TOR1A: variants seen among roughly 807,000 people sequenced by gnomAD.
The protein encoded by TOR1A is torsin family 1 member A.
Under a neutral mutation model 31.4 loss-of-function variants are expected in TOR1A, and 18 were observed. The ratio of observed to expected loss-of-function variants is 0.57; its 90% confidence interval spans 0.40 to 0.85. TOR1A has a LOEUF of 0.85. Ranked by LOEUF, TOR1A falls within the 40% of genes least tolerant of loss-of-function variation. The probability of loss-of-function intolerance (pLI) is 0.00; values close to 1 mark genes in which losing one functional copy is unlikely to be tolerated. For missense variants in TOR1A, 375 were observed against 416.4 expected, an observed-to-expected ratio of 0.90 and a Z score of 0.87; for synonymous variants, 168 against 165.9, an observed-to-expected ratio of 1.01 and a Z score of -0.10.
At chr9:129,823,358 T>C in intron 1 of TOR1A, 1 of 285,296 alleles carries the variant, frequency 3.5e-6, no homozygotes, top group South Asian at 3.4e-5. Flanking sequence ...TCTGTGGTCA[T>C]GGCCGAGGAG....
intron 4 of TOR1A, among the ~76,000 whole-genome samples, chr9:129,817,011 G>A (rs558358971): frequency 9.2e-5 from 14 of 152,206 alleles, no homozygotes; most frequent in Admixed American, 2.6e-4. Context: ...CTTAGCCAGT[G>A]AGTCAGCCTC....
intron 4 of TOR1A, among the ~76,000 whole-genome samples, chr9:129,818,166 C>A (rs2031088303): frequency 6.6e-6 from 1 of 152,082 alleles, no homozygotes; most frequent in Non-Finnish European, 1.5e-5. Flanking sequence ...ATTAGCTGGG[C>A]ATGGTGTGCA....
chr9:129,816,513 G>C (rs113651759), intron 4 of TOR1A, among the ~76,000 whole-genome samples: 1 of 152,264 alleles, frequency 6.6e-6, no homozygotes, highest in African/African-American at 2.4e-5. Flanking sequence ...CTAGGATGTA[G>C]GATTGATAAG....
chr9:129,813,874 C>T lies in TOR1A; in HGVS notation c.*98G>A. 6.6e-7 allele frequency: 1 copy of T among 1,512,336 alleles called. No homozygotes were observed. The highest frequency in any genetic ancestry group is 9.1e-7 in the Non-Finnish European group (1 of 1,099,742). The allele number at this position is 1,512,336 out of a possible 1,614,324, so 93.7% of individuals were successfully genotyped here. ...TCAAACAGGAACATTCACTGGATTCCTCTTCCAGGGAAAGGAGCTGGGGGT... is the reference window on the plus strand; with the variant it reads ...TCAAACAGGAACATTCACTGGATTCTTCTTCCAGGGAAAGGAGCTGGGGGT... On this transcript the variant is annotated 3_prime_UTR_variant, in exon 5 of 5. Transcript: ENST00000351698.
At chr9:129,823,036 T>C (rs1242203576) in intron 1 of TOR1A, among the ~76,000 whole-genome samples, 190 bp from the exon 2 acceptor site, 3 of 152,106 alleles carry the variant, frequency 2.0e-5, no homozygotes, top group Non-Finnish European at 4.4e-5. Flanking sequence ...CCTTTGCTGG[T>C]CCTGCCTATT....
At chr9:129,817,838 CAA>C (rs760010551) in intron 4 of TOR1A, among the ~76,000 whole-genome samples, 2,065 of 45,448 alleles carry the variant, frequency 0.045, 35 homozygotes, top group African/African-American at 0.17. Context: ...CAGTCTCTAC[CAA>C]AAAAAAAAAA....
At position 129,814,185 on chromosome 9, in the gene TOR1A, G is replaced by T. The variant is rs2030972811; in HGVS notation, c.786C>A (p.Leu262=). The T allele has an allele frequency of 6.2e-7, 1 of 1,614,092 alleles. No individual in the cohort carries two copies. Among genetic ancestry groups the T allele is most frequent in the Non-Finnish European group, 8.5e-7 (1 of 1,180,010 alleles). ...GGAGGAAGGGAACAAAATAATCAAT[G>T]AGGTTCCGGTCAATTAAGCTGCTGT... ...FWHSSLIDRN[L]IDYFVPFLPL... Residue 262 remains leucine, a synonymous_variant, in exon 5 of 5, where the codon CTC becomes CTA. Transcript: ENST00000351698.
chr9:129,818,804 G>A lies in TOR1A; in HGVS notation c.561C>T (p.Leu187=), dbSNP rs115847158. The A allele has an allele frequency of 5.5e-4, 885 of 1,613,642 alleles. 5 individuals are homozygous for A. Among genetic ancestry groups the A allele is most frequent in the South Asian group, 3.8e-3 (344 of 91,076 alleles). Residue 187 remains leucine, a synonymous_variant, in exon 3 of 5, where the codon CTC becomes CTT. Coordinates refer to ENST00000351698, the MANE Select transcript of TOR1A (RefSeq NM_000113.3). ...CCCCATCCACCAGGTCATAATAGTC[G>A]AGGAAAGGCTTGATGGCATCTATGA... is the stretch of plus-strand genomic sequence containing the variant. ...AGLIDAIKPF[L]DYYDLVDGVS... is the part of the protein sequence containing the mutation.
chr9:129,814,278 C>G (rs1039086912), intron 4 of TOR1A, 56 bp from the exon 5 acceptor site: 60 of 1,611,872 alleles, frequency 3.7e-5, no homozygotes, highest in Admixed American at 5.0e-5. Context: ...GCCCTATAGA[C>G]GCCTCCTGGG....
rs1011968829 is a variant in TOR1A, at chr9:129,813,592, A to G, written c.*380T>C. The G allele has an allele frequency of 1.5e-5, 5 of 328,998 alleles. No individual in the cohort carries two copies. In the East Asian group the frequency reaches 3.2e-4, roughly 21 times the overall value. 20.4% of individuals were successfully genotyped at this position (328,998 alleles called of 1,614,324 possible). A position where few individuals can be genotyped will look rare whatever the true frequency, so the allele number is the denominator to read the frequency against. On this transcript the variant is annotated 3_prime_UTR_variant, in exon 5 of 5. Transcript: ENST00000351698. ...AAGGCCAACAACTTAGAATCTGAGCAGTCTCTCATAATGTTAAAAATCATT... is the reference window on the plus strand; with the variant it reads ...AAGGCCAACAACTTAGAATCTGAGCGGTCTCTCATAATGTTAAAAATCATT...
chr9:129,823,655 G>A (rs2031246742), intron 1 of TOR1A: 1 of 248,878 alleles, frequency 4.0e-6, no homozygotes, highest in Admixed American at 5.9e-5. Flanking sequence ...CAGCCCTAGT[G>A]CGATCCCCCA....
At chr9:129,823,422 G>A (rs963584894) in intron 1 of TOR1A, 1 of 273,930 alleles carries the variant, frequency 3.7e-6, no homozygotes, top group Admixed American at 5.1e-5. Flanking sequence ...GGCCCCCGCG[G>A]ACTCAGCTCT....
At chr9:129,822,970 A>G (rs762218070) in intron 1 of TOR1A, 124 bp from the exon 2 acceptor site, 2 of 1,370,326 alleles carry the variant, frequency 1.5e-6, no homozygotes, top group Non-Finnish European at 2.0e-6. Context: ...CGAAACCTCA[A>G]GTACTGCGGT....
chr9:129,823,789 C>T, intron 1 of TOR1A, 119 bp downstream of exon 1: 1 of 1,313,416 alleles, frequency 7.6e-7, no homozygotes, highest in Non-Finnish European at 1.0e-6. Flanking sequence ...CCTAGCCCGG[C>T]CCTGGTGCCA....
intron 2 of TOR1A, chr9:129,821,402 G>C (rs1444276196): frequency 6.6e-6 from 1 of 152,230 alleles, no homozygotes; most frequent in Non-Finnish European, 1.5e-5. Flanking sequence ...ACATTTATTT[G>C]TAACATGCAC....
rs1564181518 is a variant in TOR1A, at chr9:129,813,066, G to GT, written c.*905dup. On this transcript the variant is annotated 3_prime_UTR_variant, in exon 5 of 5. Transcript: ENST00000351698. ...GAGGTTTCGGGGATTCTGATTGAAC[G>GT]TAACAAATAATAGTATAAATGAGGA... The GT allele has an allele frequency of 2.0e-5, 3 of 152,184 alleles. No individual in the cohort carries two copies. The highest frequency in any genetic ancestry group is 4.8e-5 in the African/African-American group (2 of 41,434). 9.4% of individuals were successfully genotyped at this position (152,184 alleles called of 1,614,324 possible).
In TOR1A at chr9:129,814,086, G is replaced by A; in HGVS notation, c.885C>T (p.Asp295=). The part of the protein sequence containing the change: ...MQSRGYEIDE[D]IVSRVAEEMT... ...TCTCCTCAGCCACTCTGCTTACAATGTCTTCATCAATTTCATAGCCTCGGG... is the reference window on the plus strand; with the variant it reads ...TCTCCTCAGCCACTCTGCTTACAATATCTTCATCAATTTCATAGCCTCGGG... The change falls in exon 5 of 5, where the codon GAC becomes GAT. Residue 295 remains aspartate (D), a synonymous_variant. Coordinates refer to ENST00000351698, the MANE Select transcript of TOR1A (RefSeq NM_000113.3). 1 of 1,614,188 alleles carries A rather than the reference G, an allele frequency of 6.2e-7. No homozygotes were observed. Among genetic ancestry groups the A allele is most frequent in the African/African-American group, 1.3e-5 (1 of 75,024 alleles).
In TOR1A at chr9:129,814,109, G is replaced by C. The variant is rs760768475; in HGVS notation, c.862C>G (p.Arg288Gly). The change falls in exon 5 of 5, where the codon CGA (arginine) becomes GGA (glycine). Residue 288 changes from arginine (R) to glycine (G), a missense_variant. Coordinates refer to ENST00000351698, the MANE Select transcript of TOR1A (RefSeq NM_000113.3). ...ATGTCTTCATCAATTTCATAGCCTC[G>C]GGACTGCATTTCCACTCGGATACAC... ...KMCIRVEMQS[R>G]GYEIDEDIVS... 1 of 1,613,964 alleles carries C rather than the reference G, an allele frequency of 6.2e-7. No individual in the cohort carries two copies. The highest frequency in any genetic ancestry group is 1.3e-5 in the African/African-American group (1 of 74,864).
In TOR1A at chr9:129,813,743, C is replaced by T. The variant is rs2030956124; in HGVS notation, c.*229G>A. On this transcript the variant is annotated 3_prime_UTR_variant, in exon 5 of 5. Transcript: ENST00000351698. Reference sequence around the variant, plus strand: ...CGATGAGTGGGCTGGGAGCTGGCTCCTTCCTTCTGTGCGTGTTCGGGAGGC... The same window carrying T: ...CGATGAGTGGGCTGGGAGCTGGCTCTTTCCTTCTGTGCGTGTTCGGGAGGC... 1.6e-6 allele frequency: 1 copy of T among 616,788 alleles called. No individual in the cohort carries two copies. Among genetic ancestry groups the T allele is most frequent in the Non-Finnish European group, 2.9e-6 (1 of 350,076 alleles). 38.2% of individuals were successfully genotyped at this position (616,788 alleles called of 1,614,324 possible). A position where few individuals can be genotyped will look rare whatever the true frequency, so the allele number is the denominator to read the frequency against.
Sources: gnomAD v4.1 joint callset for allele counts (sites outside exome capture counted in the v4.1 genomes callset) on GRCh38, gnomAD v4.1.1 for gene constraint, MANE v1.5 for transcripts, NCBI Gene and HGNC (gene_info 2026-07-23, HGNC 2026-07-21) for gene names.